DOK6: variants seen among roughly 807,000 people sequenced by gnomAD.
DOK6 encodes the protein docking protein 6, also known as downstream of tyrosine kinase 6.
DOK6 carries 22 observed loss-of-function variants against 44.0 expected under a neutral mutation model. The ratio of observed to expected loss-of-function variants is 0.50; its 90% CI spans 0.36 to 0.71. The LOEUF is 0.71. Among genes scored for constraint, DOK6 ranks in the 30% least tolerant of loss-of-function variants. DOK6 has a pLI of 0.00. For synonymous variants in DOK6, 166 were observed against 145.5 expected, an observed-to-expected ratio of 1.14 and a Z score of -1.01; for missense variants, 340 against 416.4, an observed-to-expected ratio of 0.82 and a Z score of 1.60.
chr18:69,621,880 A>G (rs1011554573), intron 3 of DOK6, among the ~76,000 whole-genome samples: 1 of 152,196 alleles, frequency 6.6e-6, no homozygotes, highest in Non-Finnish European at 1.5e-5. Context: ...TTGAAAAATA[A>G]AAAATGATCT....
chr18:69,472,955 C>G (rs558899234), intron 1 of DOK6, among the ~76,000 whole-genome samples: 23 of 152,216 alleles, frequency 1.5e-4, no homozygotes, highest in African/African-American at 5.1e-4. Context: ...TATTTGAAAC[C>G]TCTTCAAAGA....
intron 6 of DOK6, among the ~76,000 whole-genome samples, chr18:69,744,907 C>T (rs1978933322): frequency 8.6e-6 from 1 of 116,288 alleles, no homozygotes; most frequent in Non-Finnish European, 1.7e-5. Context: ...GCCTGGGTAA[C>T]AGTAGCAACA....
At chr18:69,538,630 A>G (rs1252757757) in intron 1 of DOK6, among the ~76,000 whole-genome samples, 1 of 150,368 alleles carries the variant, frequency 6.7e-6, no homozygotes, top group Admixed American at 6.7e-5. Flanking sequence ...CAATCTGAGC[A>G]TCTAGGCCTC....
At chr18:69,506,755 C>G (rs776947787) in intron 1 of DOK6, among the ~76,000 whole-genome samples, 13 of 151,642 alleles carry the variant, frequency 8.6e-5, no homozygotes, top group Admixed American at 7.9e-4. Flanking sequence ...TGATAAATAC[C>G]CAGACGTGGG....
intron 1 of DOK6, among the ~76,000 whole-genome samples, chr18:69,428,837 AT>A (rs1978716678): frequency 6.6e-6 from 1 of 152,204 alleles, no homozygotes; most frequent in African/African-American, 2.4e-5. Context: ...GTGGTACTAT[AT>A]TTTACATCAA....
chr18:69,624,615 G>A (rs548387795), intron 3 of DOK6, among the ~76,000 whole-genome samples: 9 of 152,232 alleles, frequency 5.9e-5, no homozygotes, highest in Admixed American at 1.3e-4. Context: ...AGCCAGAGAT[G>A]TATCATGAGA....
intron 1 of DOK6, among the ~76,000 whole-genome samples, chr18:69,403,246 TAGGATTCCCCTCC>T (rs1405365040): frequency 6.6e-6 from 1 of 152,104 alleles, no homozygotes. Context: ...CTGGAGTCTA[TAGGATTCCCCTCC>T]ACCCCATCCA....
intron 7 of DOK6, among the ~76,000 whole-genome samples, chr18:69,761,623 G>A (rs900016808): frequency 9.9e-5 from 15 of 152,180 alleles, no homozygotes; most frequent in African/African-American, 3.6e-4. Flanking sequence ...TCAGGGCTGA[G>A]TTGGCTGCAT....
chr18:69,702,819 A>G (rs1986551580), intron 5 of DOK6, among the ~76,000 whole-genome samples: 1 of 152,194 alleles, frequency 6.6e-6, no homozygotes, highest in Non-Finnish European at 1.5e-5. Context: ...ATGACTATGA[A>G]TGAAGTTTAG....
chr18:69,520,792 C>A (rs1177883947), intron 1 of DOK6, among the ~76,000 whole-genome samples: 1 of 151,850 alleles, frequency 6.6e-6, no homozygotes, highest in Non-Finnish European at 1.5e-5. Flanking sequence ...GCATACACAA[C>A]CTATACTAGG....
chr18:69,588,206 C>T (rs567360939), intron 2 of DOK6, among the ~76,000 whole-genome samples: 1 of 152,288 alleles, frequency 6.6e-6, no homozygotes, highest in East Asian at 1.9e-4. Flanking sequence ...AGGCAAGCTC[C>T]ACTCTAAGCT....
intron 4 of DOK6, among the ~76,000 whole-genome samples, chr18:69,690,399 T>G (rs1449841741): frequency 6.6e-6 from 1 of 152,190 alleles, no homozygotes; most frequent in Non-Finnish European, 1.5e-5. Flanking sequence ...GCATAAATCA[T>G]GTTTTGTTTA....
At chr18:69,784,235 C>T (rs911453584) in intron 7 of DOK6, among the ~76,000 whole-genome samples, 3 of 151,926 alleles carry the variant, frequency 2.0e-5, no homozygotes, top group African/African-American at 7.2e-5. Context: ...ATATCATTAC[C>T]ATCATAACGG....
intron 1 of DOK6, among the ~76,000 whole-genome samples, chr18:69,442,157 T>G (rs1482192352): frequency 1.9e-5 from 2 of 104,216 alleles, no homozygotes; most frequent in African/African-American, 5.5e-5. Context: ...TAATTCTCTC[T>G]TCTAAAAATA....
intron 6 of DOK6, among the ~76,000 whole-genome samples, chr18:69,756,499 G>C (rs138593782): frequency 6.6e-6 from 1 of 152,168 alleles, no homozygotes; most frequent in African/African-American, 2.4e-5. Context: ...GTGACAAGAC[G>C]TAGCAGCTCG....
chr18:69,822,329 G>A (rs1981597931), intron 7 of DOK6, among the ~76,000 whole-genome samples: 1 of 152,198 alleles, frequency 6.6e-6, no homozygotes, highest in Non-Finnish European at 1.5e-5. Context: ...ACAGTTTCAT[G>A]GATGTTGGCA....
Position 69,740,228 on chromosome 18 carries a change from G to C in DOK6, c.738+1125G>C, listed in dbSNP as rs769411776. On this transcript the variant is annotated intron_variant, in intron 6 of 7. Coordinates refer to ENST00000382713, the MANE Select transcript of DOK6 (RefSeq NM_152721.6). ...TGACTGAAGAATCATCAATTAGAGA[G>C]GGCTGGTAAAACAAACTTCTAGAAA... 1.1e-3 allele frequency among the ~76,000 whole-genome samples: 164 copies of C among 152,094 alleles called. 1 individual carries two copies. The highest frequency in any genetic ancestry group is 1.3e-3 in the Non-Finnish European group (91 of 68,034).
At chr18:69,479,395 T>C (rs1052099040) in intron 1 of DOK6, among the ~76,000 whole-genome samples, 1 of 152,090 alleles carries the variant, frequency 6.6e-6, no homozygotes, top group African/African-American at 2.4e-5. Flanking sequence ...AGAATGTGAT[T>C]CCCATACCTA....
intron 1 of DOK6, among the ~76,000 whole-genome samples, chr18:69,432,196 A>C (rs1978825240): frequency 6.6e-6 from 1 of 152,220 alleles, no homozygotes. Context: ...TATTCCCAGC[A>C]CTTTAAAAGA....
Sources: gnomAD v4.1 joint callset for allele counts (sites outside exome capture counted in the v4.1 genomes callset) on GRCh38, gnomAD v4.1.1 for gene constraint, MANE v1.5 for transcripts, NCBI Gene and HGNC (gene_info 2026-07-23, HGNC 2026-07-21) for gene names.